Variants in PTPRK observed in about 807,000 individuals in gnomAD.
The protein encoded by PTPRK is receptor-type tyrosine-protein phosphatase kappa.
A neutral mutation model predicts 178.0 loss-of-function variants in PTPRK; 75 were observed. The observed-to-expected ratio is 0.42, with a 90% CI of 0.35 to 0.51. The LOEUF is 0.51. Ranked by LOEUF, PTPRK falls within the 20% of genes least tolerant of loss-of-function variation. The pLI, the probability that PTPRK is intolerant of heterozygous loss-of-function variation, is 0.02. For synonymous variants in PTPRK, 637 were observed against 620.6 expected (o/e 1.03, Z -0.39); for missense variants, 1,441 against 1,797.8 (o/e 0.80, Z 3.59).
intron 3 of PTPRK, among the ~76,000 whole-genome samples, chr6:128,278,123 T>TGTTA (rs1554205111): frequency 1.4e-5 from 2 of 143,658 alleles, no homozygotes; most frequent in South Asian, 2.2e-4. Flanking sequence ...TTTTTGTGTT[T>TGTTA]TTTATTTATT....
chr6:128,464,952 C>T (rs778286483), intron 1 of PTPRK, among the ~76,000 whole-genome samples: 4 of 151,110 alleles, frequency 2.6e-5, no homozygotes, highest in Admixed American at 6.6e-5. Context: ...TTCTCTCTCC[C>T]GGGTTTGTTT....
At chr6:128,190,551 T>A (rs1196921949) in intron 6 of PTPRK, among the ~76,000 whole-genome samples, 1 of 135,362 alleles carries the variant, frequency 7.4e-6, no homozygotes, top group Non-Finnish European at 1.5e-5. Flanking sequence ...CAGGCTGGAG[T>A]GCAGTGGTGT....
chr6:128,370,330 A>G (rs957550202), intron 2 of PTPRK, among the ~76,000 whole-genome samples: 1 of 152,084 alleles, frequency 6.6e-6, no homozygotes, highest in Non-Finnish European at 1.5e-5. Flanking sequence ...AAGATTTTGG[A>G]AGGTTAAATT....
intron 1 of PTPRK, among the ~76,000 whole-genome samples, chr6:128,466,095 T>C (rs1849810582): frequency 6.6e-6 from 1 of 152,212 alleles, no homozygotes; most frequent in Non-Finnish European, 1.5e-5. Flanking sequence ...TACTTGTTAC[T>C]ATGACTTGTT....
In PTPRK at chr6:127,970,210, T is replaced by C; in HGVS notation, c.*17A>G. ...GACAGGTTTCTTCATGGATGCACTT[T>C]AAAGAGTCTCACCCAACTAAGATGA... On this transcript the variant is annotated 3_prime_UTR_variant, in exon 30 of 30. Transcript: ENST00000368226. 6.3e-7 allele frequency: 1 copy of C among 1,594,896 alleles called. No homozygotes were observed. The highest frequency in any genetic ancestry group is 8.6e-7 in the Non-Finnish European group (1 of 1,165,628).
chr6:128,450,611 G>T (rs1216109820), intron 1 of PTPRK, among the ~76,000 whole-genome samples: 13 of 152,098 alleles, frequency 8.5e-5, no homozygotes, highest in Non-Finnish European at 1.5e-5. Flanking sequence ...TTCCACTGAT[G>T]GTGCAATGAA....
intron 6 of PTPRK, among the ~76,000 whole-genome samples, chr6:128,200,693 G>T (rs1805740077): frequency 6.6e-6 from 1 of 151,572 alleles, no homozygotes; most frequent in Admixed American, 6.6e-5. Flanking sequence ...CTAGGTGACA[G>T]AGAGAGACCC....
chr6:128,382,715 C>G (rs759661521), intron 2 of PTPRK, among the ~76,000 whole-genome samples: 1 of 152,116 alleles, frequency 6.6e-6, no homozygotes, highest in Non-Finnish European at 1.5e-5. Context: ...GCTGGAATTA[C>G]AGGTGTTAGC....
chr6:128,178,321 G>C (rs1801397890), intron 7 of PTPRK, among the ~76,000 whole-genome samples: 1 of 151,818 alleles, frequency 6.6e-6, no homozygotes, highest in South Asian at 2.1e-4. Context: ...AGTCCTGCGT[G>C]TGGCGATGTG....
rs1849546243 is a variant in PTPRK, at chr6:128,464,638, C to CATATATATATATATATGTAT, written c.100+55620_100+55621insATACATATATATATATATAT. Among the ~76,000 whole-genome samples, 40 of 48,606 alleles carry CATATATATATATATATGTAT rather than the reference C, an allele frequency of 8.2e-4. 2 individuals are homozygous for CATATATATATATATATGTAT. In the East Asian group the frequency reaches 9.8e-3, roughly 12 times the overall value. The allele number at this position is 48,606 out of a possible 152,430, so 31.9% of individuals were successfully genotyped here. On this transcript the variant is annotated intron_variant, in intron 1 of 29. Transcript: ENST00000368226. ...ACATATACATATATATATATATACA[C>CATATATATATATATATGTAT]ATATATATATATATATATATATATA...
chr6:128,383,023 A>C (rs377167034), intron 2 of PTPRK, among the ~76,000 whole-genome samples: 1 of 152,192 alleles, frequency 6.6e-6, no homozygotes, highest in East Asian at 1.9e-4. Flanking sequence ...ATATGGCAAC[A>C]ATCAGCTCTT....
intron 2 of PTPRK, among the ~76,000 whole-genome samples, chr6:128,334,093 C>T (rs965023225): frequency 6.6e-6 from 1 of 152,134 alleles, no homozygotes; most frequent in South Asian, 2.1e-4. Flanking sequence ...CCATCTTATA[C>T]GGGAGCTGTT....
chr6:128,219,092 C>A lies in PTPRK; in HGVS notation c.698G>T (p.Arg233Leu), dbSNP rs757490289. 1 of 1,611,318 alleles carries A rather than the reference C, an allele frequency of 6.2e-7. No homozygotes were observed. Among genetic ancestry groups the A allele is most frequent in the Non-Finnish European group, 8.5e-7 (1 of 1,178,316 alleles). Residue 233 changes from arginine (R) to leucine (L), a missense_variant, in exon 6 of 30, where the codon CGA becomes CTA. Physicochemically the swap from Arg to Leu is moderately radical, Grantham distance 102 (BLOSUM62 -2). Transcript: ENST00000368226. ...GGCTACTGGTATATCTTCTCCATTT[C>A]GTCTCTGCAAACAGAAACCAATCTT... ...AVHNKLWLQR[R>L]NGEDIPVAQT... is the part of the protein sequence containing the mutation.
intron 1 of PTPRK, among the ~76,000 whole-genome samples, chr6:128,505,890 TA>T (rs1856261277): frequency 6.6e-6 from 1 of 152,238 alleles, no homozygotes; most frequent in Non-Finnish European, 1.5e-5. Context: ...GTGCCAGGAC[TA>T]AGTGGCTTTA....
At chr6:128,479,789 A>G (rs773986036) in intron 1 of PTPRK, among the ~76,000 whole-genome samples, 1 of 152,112 alleles carries the variant, frequency 6.6e-6, no homozygotes, top group Admixed American at 6.6e-5. Context: ...ACTTAACACT[A>G]TTTTCCTACT....
intron 7 of PTPRK, among the ~76,000 whole-genome samples, chr6:128,122,560 G>T (rs1310241208): frequency 6.6e-6 from 1 of 152,084 alleles, no homozygotes; most frequent in African/African-American, 2.4e-5. Flanking sequence ...TCCATAGAAG[G>T]ATTCAGAATT....
intron 7 of PTPRK, among the ~76,000 whole-genome samples, chr6:128,163,288 A>C (rs942552329): frequency 6.6e-5 from 10 of 151,154 alleles, no homozygotes; most frequent in African/African-American, 9.7e-5. Context: ...CAGTGCACTG[A>C]AAATAATAAA....
chr6:127,998,843 A>G lies in PTPRK; in HGVS notation c.2556T>C (p.Cys852=). The G allele has an allele frequency of 6.2e-7, 1 of 1,607,690 alleles. No homozygotes were observed. The highest frequency in any genetic ancestry group is 8.5e-7 in the Non-Finnish European group (1 of 1,176,012). Residue 852 remains cysteine (C), a synonymous_variant, in exon 16 of 30, where the codon TGT becomes TGC. Transcript: ENST00000368226. ...TCTGGTAAGGGGATTCCGTCCCCTC[A>G]CAGAGGTAGCGAGGTACGTCTAGAA... ...SRLLDVPRYL[C]EGTESPYQTG...
chr6:128,279,035 G>A (rs544687956), intron 3 of PTPRK, among the ~76,000 whole-genome samples: 21 of 152,166 alleles, frequency 1.4e-4, no homozygotes, highest in South Asian at 1.0e-3. Context: ...CTGGTCTTTA[G>A]TTCACAAAGT....
Sources: allele counts gnomAD v4.1 joint callset (sites outside exome capture counted in the v4.1 genomes callset), GRCh38; gene constraint gnomAD v4.1.1; transcripts MANE v1.5; gene names NCBI Gene and HGNC (gene_info 2026-07-23, HGNC 2026-07-21).